The following OR3A2 variants were observed in gnomAD, a reference collection of about 807,000 sequenced individuals.
The protein encoded by OR3A2 is olfactory receptor family 3 subfamily A member 2.
For synonymous variants in OR3A2, 126 were observed against 159.3 expected (o/e 0.79, Z 1.57); for missense variants, 318 against 392.8 (o/e 0.81, Z 1.61).
chr17:3,356,006 T>C (rs1325814616), intron 2 of OR3A2, among the ~76,000 whole-genome samples: 1 of 151,354 alleles, frequency 6.6e-6, no homozygotes, highest in Non-Finnish European at 1.5e-5. Flanking sequence ...GTTTTTTGAT[T>C]TGAGATTACC....
intron 2 of OR3A2, among the ~76,000 whole-genome samples, chr17:3,358,991 T>C (rs1372598220): frequency 2.0e-5 from 3 of 151,778 alleles, no homozygotes; most frequent in Non-Finnish European, 2.9e-5. Flanking sequence ...ATTTAGGATA[T>C]TCAGATCTTC....
chr17:3,278,285 G>A, exon 2 of OR3A2: 1 of 1,614,232 alleles, frequency 6.2e-7, no homozygotes, highest in Non-Finnish European at 8.5e-7. Context: ...CCAAAGGTGT[G>A]CCTGCCATGA....
intron 2 of OR3A2, among the ~76,000 whole-genome samples, chr17:3,369,420 A>G (rs1372338144): frequency 6.6e-6 from 1 of 152,102 alleles, no homozygotes. Flanking sequence ...TTCTATGCTA[A>G]TTTTGCTGAG....
chr17:3,329,875 T>C (rs1217391372), intron 3 of OR3A2, among the ~76,000 whole-genome samples: 1 of 130,452 alleles, frequency 7.7e-6, no homozygotes, highest in Non-Finnish European at 1.6e-5. Flanking sequence ...CTCTACACAC[T>C]GCTTTGAATG....
intron 2 of OR3A2, among the ~76,000 whole-genome samples, chr17:3,382,995 A>G (rs931077075): frequency 1.3e-5 from 2 of 152,214 alleles, no homozygotes; most frequent in Non-Finnish European, 2.9e-5. Flanking sequence ...GAGCCATCAT[A>G]CGGCTAGAGC....
chr17:3,365,420 G>A (rs369863702), intron 2 of OR3A2, among the ~76,000 whole-genome samples: 4 of 152,344 alleles, frequency 2.6e-5, no homozygotes, highest in African/African-American at 2.4e-5. Context: ...ATGTGTGTCA[G>A]AAGCCACAGC....
downstream of OR3A2, among the ~76,000 whole-genome samples, chr17:3,276,356 C>T (rs899415898): frequency 5.3e-5 from 8 of 152,188 alleles, no homozygotes; most frequent in East Asian, 1.9e-4. Flanking sequence ...TGATGTGAAA[C>T]GGGCATATCA....
intron 3 of OR3A2, among the ~76,000 whole-genome samples, chr17:3,315,820 G>C (rs1175188753): frequency 6.6e-6 from 1 of 150,434 alleles, no homozygotes; most frequent in African/African-American, 2.4e-5. Flanking sequence ...CCAGCCTTCA[G>C]AGTGTCCCGT....
intron 3 of OR3A2, among the ~76,000 whole-genome samples, chr17:3,318,473 C>T (rs763617339): frequency 1.3e-5 from 2 of 152,188 alleles, no homozygotes; most frequent in South Asian, 2.1e-4. Context: ...TCCCTGTAAA[C>T]GCTAGCCTCC....
exon 2 of OR3A2, chr17:3,277,887 G>T: frequency 1.4e-6 from 2 of 1,418,330 alleles, no homozygotes; most frequent in Non-Finnish European, 9.6e-7. Context: ...AAATAGTTGT[G>T]GCTGAATTTT....
upstream of OR3A2, among the ~76,000 whole-genome samples, chr17:3,285,190 G>A (rs1156462825): frequency 6.6e-6 from 1 of 152,092 alleles, no homozygotes; most frequent in Non-Finnish European, 1.5e-5. Context: ...CAGAAGCTGT[G>A]GGAAGATGTA....
exon 2 of OR3A2, chr17:3,278,079 A>T: frequency 6.2e-7 from 1 of 1,614,216 alleles, no homozygotes. Context: ...AACAGTGTTG[A>T]AAACTCCAAC....
chr17:3,371,628 T>C (rs2049622818), intron 2 of OR3A2, among the ~76,000 whole-genome samples: 1 of 117,944 alleles, frequency 8.5e-6, no homozygotes, highest in African/African-American at 3.3e-5. Context: ...GCTCCTCACT[T>C]CCCAGTAGGG....
intron 2 of OR3A2, among the ~76,000 whole-genome samples, chr17:3,342,663 G>A (rs1311300393): frequency 6.6e-6 from 1 of 152,200 alleles, no homozygotes; most frequent in African/African-American, 2.4e-5. Context: ...CTTCGTCTCA[G>A]AGGGCCACCT....
At position 3,362,310 on chromosome 17, in the gene OR3A2, C is replaced by T. The variant is rs569072928; in HGVS notation, c.-179+21494G>A. Reference sequence around the variant, plus strand: ...CATCTATTTGATTATTCTCTCTTTTCTTCTTTATTAGTCTTGCTAGCAGTC... The same window carrying T: ...CATCTATTTGATTATTCTCTCTTTTTTTCTTTATTAGTCTTGCTAGCAGTC... On this transcript the variant is annotated intron_variant, in intron 2 of 4. Transcript: ENST00000573491. Among the ~76,000 whole-genome samples, 14 of 151,310 alleles carry T rather than the reference C, an allele frequency of 9.3e-5. No homozygotes were observed. In the South Asian group the frequency reaches 2.5e-3, roughly 27 times the overall value.
chr17:3,385,064 C>G (rs570518767), intron 1 of OR3A2, among the ~76,000 whole-genome samples: 28 of 152,188 alleles, frequency 1.8e-4, no homozygotes, highest in Admixed American at 1.2e-3. Flanking sequence ...CGTGGTGGCG[C>G]ATGCCTGTAA....
At chr17:3,306,419 A>T (rs909943635) in intron 3 of OR3A2, among the ~76,000 whole-genome samples, 1 of 152,048 alleles carries the variant, frequency 6.6e-6, no homozygotes, top group Non-Finnish European at 1.5e-5. Flanking sequence ...TTGGGATTAG[A>T]GGCACAAGCC....
intron 2 of OR3A2, among the ~76,000 whole-genome samples, chr17:3,347,009 G>A (rs1484301389): frequency 6.6e-6 from 1 of 152,166 alleles, no homozygotes; most frequent in East Asian, 1.9e-4. Context: ...TGGGAGAGCA[G>A]ATCTCTCTTT....
At chr17:3,360,309 G>T (rs2150658840) in intron 2 of OR3A2, among the ~76,000 whole-genome samples, 1 of 151,574 alleles carries the variant, frequency 6.6e-6, no homozygotes, top group East Asian at 1.9e-4. Flanking sequence ...TGTGGATTCT[G>T]GATATTAGCC....
Sources: allele counts gnomAD v4.1 joint callset (sites outside exome capture counted in the v4.1 genomes callset), GRCh38; gene constraint gnomAD v4.1.1; transcripts MANE v1.5; gene names NCBI Gene and HGNC (gene_info 2026-07-23, HGNC 2026-07-21).